Variants in TMEM63A observed in about 807,000 individuals in gnomAD.
The protein encoded by TMEM63A is transmembrane protein 63A.
Under a neutral mutation model 100.6 loss-of-function variants are expected in TMEM63A, and 76 were observed. The ratio of observed to expected loss-of-function variants is 0.76; its 90% confidence interval spans 0.63 to 0.91. TMEM63A has a LOEUF of 0.91. TMEM63A is among the 40% of genes least tolerant of loss of function. The probability of loss-of-function intolerance (pLI) is 0.00; values close to 1 mark genes in which losing one functional copy is unlikely to be tolerated. For missense variants in TMEM63A, 876 were observed against 1,008.8 expected, an observed-to-expected ratio of 0.87 and a Z score of 1.78; for synonymous variants, 401 against 401.1, an observed-to-expected ratio of 1.00 and a Z score of 0.00.
intron 5 of TMEM63A, 173 bp downstream of exon 5, chr1:225,871,814 C>T (rs982485759): frequency 3.4e-6 from 2 of 589,346 alleles, no homozygotes; most frequent in South Asian, 4.5e-5. Flanking sequence ...GGTCCCGGGT[C>T]ATCCAGCTGC....
chr1:225,843,169 G>A (rs1668575378), downstream of TMEM63A, among the ~76,000 whole-genome samples: 1 of 152,084 alleles, frequency 6.6e-6, no homozygotes. Context: ...CATAGATGTT[G>A]AATGAATGCG....
In TMEM63A at chr1:225,850,022, T is replaced by C. The variant is rs766848700; in HGVS notation, c.1961A>G (p.Tyr654Cys). ...CCCCTTCTCCAGCTTGGCTGGGAGGTAGACGAAGTAGAGGTTGTGCCGGTC... is the reference window on the plus strand; with the variant it reads ...CCCCTTCTCCAGCTTGGCTGGGAGGCAGACGAAGTAGAGGTTGTGCCGGTC... Reference protein sequence around the residue: ...MVDRHNLYFVYLPAKLEKGIH... With the variant: ...MVDRHNLYFVCLPAKLEKGIH... The change falls in exon 21 of 25, where the codon TAC (tyrosine) becomes TGC (cysteine). Residue 654 changes from tyrosine to cysteine, a missense_variant. Around this residue, in one of 5 missense-constraint regions of TMEM63A, gnomAD observed 339 missense variants for 342.3 expected, o/e 0.99. Transcript: ENST00000366835. 3 of 1,613,928 alleles carry C rather than the reference T, an allele frequency of 1.9e-6. No individual in the cohort carries two copies. Among genetic ancestry groups the C allele is most frequent in the South Asian group, 2.2e-5 (2 of 91,078 alleles).
chr1:225,871,960 GACC>G, intron 5 of TMEM63A, 24 bp downstream of exon 5: 1 of 1,586,148 alleles, frequency 6.3e-7, no homozygotes, highest in Middle Eastern at 1.7e-4. Context: ...CCCTGGCCAT[GACC>G]ACAACTGGGC....
At chr1:225,859,533 T>G in intron 14 of TMEM63A, 184 bp from the exon 15 acceptor site, 1 of 702,062 alleles carries the variant, frequency 1.4e-6, no homozygotes, top group South Asian at 2.0e-5. Context: ...ACAATTATTC[T>G]CTCAGATGTG....
At position 225,857,066 on chromosome 1, in the gene TMEM63A, G is replaced by A. The variant is rs9919303; in HGVS notation, c.1378-49C>T. ...GAGAGTCACAGGGGCCGTGGGCCAC[G>A]CGGCTCTGAGGCCATGACCTATTGG... is the stretch of plus-strand genomic sequence containing the variant. On this transcript the variant is annotated intron_variant, in intron 15 of 24. Coordinates refer to ENST00000366835, the MANE Select transcript of TMEM63A (RefSeq NM_014698.3). 0.31 allele frequency: 453,326 copies of A among 1,473,402 alleles called. 73,849 individuals carry two copies. The highest frequency in any genetic ancestry group is 0.5 in the East Asian group (20,494 of 40,692). The allele number at this position is 1,473,402 out of a possible 1,614,324, so 91.3% of individuals were successfully genotyped here.
At chr1:225,881,976 C>T (rs1671112967) in intron 1 of TMEM63A, among the ~76,000 whole-genome samples, 1 of 152,200 alleles carries the variant, frequency 6.6e-6, no homozygotes, top group South Asian at 2.1e-4. Flanking sequence ...CCCATAGCTG[C>T]ACTCCTAGTT....
In TMEM63A at chr1:225,853,135, C is replaced by T. The variant is rs77779094; in HGVS notation, c.1798-366G>A. Among the ~76,000 whole-genome samples, 1,965 of 152,278 alleles carry T rather than the reference C, an allele frequency of 0.013. 43 individuals are homozygous for T. Among genetic ancestry groups the T allele is most frequent in the African/African-American group, 0.045 (1,874 of 41,550 alleles). The stretch of plus-strand genomic sequence containing the variant: ...CTGTGAAATCGGGATACTAGCAGTG[C>T]CCAGCTCATAAGGGGGCTGAGAATG... On this transcript the variant is annotated intron_variant, in intron 19 of 24. Transcript: ENST00000366835. This position sits in a 1 kb window ranked among gnomAD's most constrained non-coding sequence, Gnocchi z 4.0.
rs764200877 is a variant in TMEM63A, at chr1:225,856,928, C to T, written c.1467G>A (p.Leu489=). The change falls in exon 16 of 25, where the codon CTG becomes CTA. Residue 489 remains leucine (L), a synonymous_variant. Coordinates refer to ENST00000366835, the MANE Select transcript of TMEM63A (RefSeq NM_014698.3). ...GCACTCACTTGGTCCAGTGAGACTC[C>T]AGCAGTGTAGAGTAGTAGACAATGG... The part of the protein sequence containing the change: ...LPSIVYYSTL[L]ESHWTKSGEN... 6 of 1,610,660 alleles carry T rather than the reference C, an allele frequency of 3.7e-6. No homozygotes were observed. The East Asian group carries it at 1.3e-4, about 36-fold the overall frequency.
In TMEM63A at chr1:225,856,653, T is replaced by C. The variant is rs1392694320; in HGVS notation, c.1570A>G (p.Ser524Gly). ...AGAGCAGAAGGTGGTGGCATATACC[T>C]GGTGAGACCCAGGGAGGGCAGGATC... The part of the protein sequence containing the change: ...VLILPSLGLT[S>G]LDFFFRWLFD... The change falls in exon 17 of 25, where the codon AGT becomes GGT. Residue 524 changes from serine to glycine, a missense_variant and splice_region_variant. Ser to Gly is a moderately conservative substitution (Grantham distance 56). Coordinates refer to ENST00000366835, the MANE Select transcript of TMEM63A (RefSeq NM_014698.3). The C allele has an allele frequency of 6.2e-7, 1 of 1,613,656 alleles. No individual in the cohort carries two copies. Among genetic ancestry groups the C allele is most frequent in the Non-Finnish European group, 8.5e-7 (1 of 1,179,926 alleles).
chr1:225,842,373 T>A (rs1668502471), downstream of TMEM63A: 1 of 1,612,244 alleles, frequency 6.2e-7, no homozygotes, highest in East Asian at 2.2e-5. Flanking sequence ...CAGGCTCTGC[T>A]CTGAATGACT....
In TMEM63A at chr1:225,859,125, C is replaced by G. The variant is rs1559040595; in HGVS notation, c.1377+71G>C. The G allele has an allele frequency of 5.6e-6, 9 of 1,604,800 alleles. No individual in the cohort carries two copies. In the East Asian group the frequency reaches 8.9e-5, roughly 16 times the overall value. On this transcript the variant is annotated intron_variant, in intron 15 of 24. Transcript: ENST00000366835. ...CGCACACACCCCACTCCTGTCCCCA[C>G]TCCTTCCCCACCCACCAAGCCCTCT...
intron 6 of TMEM63A, among the ~76,000 whole-genome samples, chr1:225,870,333 C>T (rs972924367): frequency 1.4e-5 from 2 of 140,634 alleles, no homozygotes; most frequent in African/African-American, 5.3e-5. Context: ...GCCTGGGCGA[C>T]AAGAGCGAAA....
At chr1:225,859,600 C>A in intron 14 of TMEM63A, 1 of 492,732 alleles carries the variant, frequency 2.0e-6, no homozygotes, top group Non-Finnish European at 3.6e-6. Context: ...CATGAGCACC[C>A]AAGCAGGCCA....
At chr1:225,866,549 T>C (rs745760242) in intron 9 of TMEM63A, 25 bp downstream of exon 9, 4 of 1,606,140 alleles carry the variant, frequency 2.5e-6, no homozygotes, top group South Asian at 1.1e-5. Flanking sequence ...TCCCAGCACA[T>C]GTCCCTAAGT....
chr1:225,881,183 G>C (rs1476254362), intron 1 of TMEM63A, among the ~76,000 whole-genome samples: 1 of 152,222 alleles, frequency 6.6e-6, no homozygotes, highest in East Asian at 1.9e-4. Flanking sequence ...GCTGAAACCA[G>C]AGGCAGTGTG....
Position 225,849,923 on chromosome 1 carries a change from A to G in TMEM63A, c.2060T>C (p.Phe687Ser), listed in dbSNP as rs1444853583. 1.9e-6 allele frequency: 3 copies of G among 1,613,980 alleles called. No homozygotes were observed. Among genetic ancestry groups the G allele is most frequent in the Non-Finnish European group, 1.7e-6 (2 of 1,179,982 alleles). ...LCLFWLYFFS[F>S]LRLGMKAPAT... ...GAAGGGCTGCTCACCCAGGCGCAGG[A>G]AGGAAAAGAAGTAGAGCCAGAAGAG... Residue 687 changes from phenylalanine to serine, a missense_variant, in exon 21 of 25, where the codon TTC (phenylalanine) becomes TCC (serine). Transcript: ENST00000366835.
rs182577023 is a variant in TMEM63A at position 225,850,821 on chromosome 1, T to C, written c.1904-742A>G. On this transcript the variant is annotated intron_variant, in intron 20 of 24. Coordinates refer to ENST00000366835, the MANE Select transcript of TMEM63A (RefSeq NM_014698.3). ...CCGCCTCCTGGGTTCATGCCATTCT[T>C]CTGCCTCAGCCTCTCAAGTAGCTGG... 1.1e-4 allele frequency among the ~76,000 whole-genome samples: 16 copies of C among 152,138 alleles called. No homozygotes were observed. In the East Asian group the frequency reaches 2.3e-3, roughly 22 times the overall value.
At position 225,855,831 on chromosome 1, in the gene TMEM63A, C is replaced by A. The variant is rs757661568; in HGVS notation, c.1634+47G>T. 3 of 1,598,160 alleles carry A rather than the reference C, an allele frequency of 1.9e-6. No homozygotes were observed. In the South Asian group the frequency reaches 3.3e-5, roughly 18 times the overall value. On this transcript the variant is annotated intron_variant, in intron 18 of 24. Transcript: ENST00000366835. ...CACTGCAGCCCCAGCCCCTGTGGGA[C>A]TTTCACCCAGGGCCATGGCTCCAGA...
chr1:225,881,987 A>G (rs1184854346), intron 1 of TMEM63A, among the ~76,000 whole-genome samples: 1 of 152,158 alleles, frequency 6.6e-6, no homozygotes, highest in Non-Finnish European at 1.5e-5. Context: ...ACTCCTAGTT[A>G]GGTGGGAGGT....
Sources: allele counts gnomAD v4.1 joint callset (sites outside exome capture counted in the v4.1 genomes callset), GRCh38; gene constraint gnomAD v4.1.1; regional missense constraint gnomAD v4.1.1; non-coding constraint Gnocchi (gnomAD v3.1); transcripts MANE v1.5; gene names NCBI Gene and HGNC (gene_info 2026-07-23, HGNC 2026-07-21).